Variants in FAM234B observed in about 807,000 individuals in gnomAD.
The protein encoded by FAM234B is family with sequence similarity 234 member B.
A neutral mutation model predicts 69.3 loss-of-function variants in FAM234B; 33 were observed. The observed-to-expected ratio is 0.48, with a 90% CI of 0.36 to 0.64. The LOEUF (loss-of-function observed/expected upper bound fraction) is 0.64, where lower values mean the gene tolerates loss of function less well. Among genes scored for constraint, FAM234B ranks in the 30% least tolerant of loss-of-function variants. The pLI, the probability that FAM234B is intolerant of heterozygous loss-of-function variation, is 0.00. For synonymous variants in FAM234B, 306 were observed against 306.9 expected, an observed-to-expected ratio of 1.00 and a Z score of 0.03; for missense variants, 697 against 769.7, an observed-to-expected ratio of 0.91 and a Z score of 1.12.
At position 13,058,418 on chromosome 12, in the gene FAM234B, C is replaced by T. The variant is rs370576232; in HGVS notation, c.434-33C>T. 14 of 1,580,360 alleles carry T rather than the reference C, an allele frequency of 8.9e-6. No individual in the cohort carries two copies. In the South Asian group the frequency reaches 1.2e-4, roughly 14 times the overall value. On this transcript the variant is annotated intron_variant, in intron 2 of 12. Coordinates refer to ENST00000197268, the MANE Select transcript of FAM234B (RefSeq NM_020853.2). ...GAGAACTGGTTTGTGGTAACTTGCT[C>T]AGGACCTTTTTGGTTTTTTATGTGT...
chr12:13,062,829 A>T lies in FAM234B; in HGVS notation c.722-16A>T, dbSNP rs747270760. 6.2e-7 allele frequency: 1 copy of T among 1,613,326 alleles called. No individual in the cohort carries two copies. Among genetic ancestry groups the T allele is most frequent in the African/African-American group, 1.3e-5 (1 of 74,892 alleles). ...AAGAAGTTGTCATAGTGACCAGCCTATGTGTCCTTCCTCAGGGAAAGCCAT... is the reference window on the plus strand; with the variant it reads ...AAGAAGTTGTCATAGTGACCAGCCTTTGTGTCCTTCCTCAGGGAAAGCCAT... On this transcript the variant is annotated splice_polypyrimidine_tract_variant and intron_variant, in intron 4 of 12. Transcript: ENST00000197268.
chr12:13,079,192 A>C (rs909551487), intron 11 of FAM234B, among the ~76,000 whole-genome samples: 1 of 152,150 alleles, frequency 6.6e-6, no homozygotes, highest in African/African-American at 2.4e-5. Context: ...CAAAACAGAG[A>C]TATAGATCAA....
intron 5 of FAM234B, among the ~76,000 whole-genome samples, chr12:13,063,782 CTT>C (rs973459263): frequency 3.9e-5 from 6 of 152,174 alleles, no homozygotes; most frequent in African/African-American, 1.4e-4. Flanking sequence ...TTCTCTAAGA[CTT>C]TTTCTCAGAC....
rs760009605 is a variant in FAM234B, at chr12:13,068,408, TG to T, written c.1248del (p.Thr417HisfsTer6). On this transcript the variant is annotated frameshift_variant, in exon 8 of 13. Coordinates refer to ENST00000197268, the MANE Select transcript of FAM234B (RefSeq NM_020853.2). LOFTEE classifies it high-confidence loss of function. ...CTTGTGCTGCTTCGGGGGCAAAATC[TG>T]ACACCTTACTGGGCATTGAGACTTC... is the stretch of plus-strand genomic sequence containing the variant. ...QSLVLLRGQN[L>X]TPYWALRLQG... 1 of 1,614,224 alleles carries T rather than the reference TG, an allele frequency of 6.2e-7. No individual in the cohort carries two copies. The highest frequency in any genetic ancestry group is 8.5e-7 in the Non-Finnish European group (1 of 1,180,036).
Position 13,080,632 on chromosome 12 carries a change from C to G in FAM234B, c.*2C>G, listed in dbSNP as rs1865214987. 5 of 1,604,896 alleles carry G rather than the reference C, an allele frequency of 3.1e-6. No individual in the cohort carries two copies. In the South Asian group the frequency reaches 5.5e-5, roughly 18 times the overall value. The stretch of plus-strand genomic sequence containing the variant: ...ATAACTCTTTTTCCATAGATCTAAT[C>G]TGATGGAATCTTCAGTTGCAGAAGA... On this transcript the variant is annotated 3_prime_UTR_variant, in exon 13 of 13. Coordinates refer to ENST00000197268, the MANE Select transcript of FAM234B (RefSeq NM_020853.2).
chr12:13,078,165 ATTAGCCC>A (rs1865183015), intron 11 of FAM234B, among the ~76,000 whole-genome samples: 1 of 151,790 alleles, frequency 6.6e-6, no homozygotes, highest in Non-Finnish European at 1.5e-5. Context: ...GATTCTGGAT[ATTAGCCC>A]TTTGTCAGAT....
intron 2 of FAM234B, among the ~76,000 whole-genome samples, chr12:13,056,378 T>G (rs960052953): frequency 6.6e-6 from 1 of 152,238 alleles, no homozygotes; most frequent in East Asian, 1.9e-4. Context: ...TAAAATAATT[T>G]CATTTCCTGT....
intron 5 of FAM234B, among the ~76,000 whole-genome samples, chr12:13,064,535 G>A (rs184805027): frequency 2.0e-5 from 3 of 152,304 alleles, no homozygotes; most frequent in Non-Finnish European, 4.4e-5. Context: ...GTCTCCACTG[G>A]AGGAAGTGGC....
rs142175077 is a variant in FAM234B, at chr12:13,047,189, A to T, written c.37+2749A>T. ...CAAGAAGGAAAGATGTTTGGCTCAC[A>T]TGCATAAAATGAGGTTAATTAGTAG... On this transcript the variant is annotated intron_variant, in intron 1 of 12. Coordinates refer to ENST00000197268, the MANE Select transcript of FAM234B (RefSeq NM_020853.2). 1.4e-4 allele frequency among the ~76,000 whole-genome samples: 21 copies of T among 152,352 alleles called. No homozygotes were observed. The East Asian group carries it at 3.7e-3, about 27-fold the overall frequency.
At chr12:13,055,981 A>G (rs1397707040) in intron 2 of FAM234B, 35 bp downstream of exon 2, 2 of 1,502,882 alleles carry the variant, frequency 1.3e-6, no homozygotes, top group Non-Finnish European at 1.8e-6. Flanking sequence ...AATCCTGTGA[A>G]ACTTCATGCT....
chr12:13,070,597 A>G (rs1207351759), intron 9 of FAM234B, among the ~76,000 whole-genome samples: 1 of 152,188 alleles, frequency 6.6e-6, no homozygotes, highest in Non-Finnish European at 1.5e-5. Context: ...TGAAGAGCAG[A>G]CATATGCCAG....
Position 13,062,990 on chromosome 12 carries a change from A to G in FAM234B, c.852+15A>G. On this transcript the variant is annotated intron_variant, in intron 5 of 12. Transcript: ENST00000197268. ...GGGAATTGCAGGTATGATCTCTATT[A>G]AATGTTTTTTGTTTCTTATAGGGAC... 1 of 1,613,182 alleles carries G rather than the reference A, an allele frequency of 6.2e-7. No homozygotes were observed. The highest frequency in any genetic ancestry group is 8.5e-7 in the Non-Finnish European group (1 of 1,179,504).
At chr12:13,069,933 G>A (rs895548685) in intron 9 of FAM234B, among the ~76,000 whole-genome samples, 2 of 152,070 alleles carry the variant, frequency 1.3e-5, no homozygotes, top group Non-Finnish European at 2.9e-5. Context: ...TGATACACTG[G>A]TGCTGGCAGG....
At chr12:13,046,110 G>A (rs746567039) in intron 1 of FAM234B, among the ~76,000 whole-genome samples, 2 of 152,112 alleles carry the variant, frequency 1.3e-5, no homozygotes, top group Non-Finnish European at 2.9e-5. Flanking sequence ...GTAGGCATGT[G>A]TTCTTTCATG....
At position 13,081,702 on chromosome 12, in the gene FAM234B, T is replaced by C. The variant is rs558629639; in HGVS notation, c.*1072T>C. On this transcript the variant is annotated 3_prime_UTR_variant, in exon 13 of 13. Coordinates refer to ENST00000197268, the MANE Select transcript of FAM234B (RefSeq NM_020853.2). Reference sequence around the variant, plus strand: ...GTAGAGCCTTTGAAGCATTGTATTTTGGGAAAATTCTTCTGTAAATACTAT... The same window carrying C: ...GTAGAGCCTTTGAAGCATTGTATTTCGGGAAAATTCTTCTGTAAATACTAT... The C allele has an allele frequency of 2.6e-5, 4 of 152,334 alleles. No homozygotes were observed. The highest frequency in any genetic ancestry group is 2.6e-4 in the Admixed American group (4 of 15,306). The allele number at this position is 152,334 out of a possible 1,614,324, so 9.4% of individuals were successfully genotyped here. A position where few individuals can be genotyped will look rare whatever the true frequency, so the allele number is the denominator to read the frequency against.
intron 1 of FAM234B, among the ~76,000 whole-genome samples, chr12:13,047,809 C>T (rs1331675602): frequency 1.3e-5 from 2 of 152,114 alleles, no homozygotes; most frequent in East Asian, 3.9e-4. Context: ...ACGCCTGGCT[C>T]CTCAGCCTGA....
At position 13,068,266 on chromosome 12, in the gene FAM234B, A is replaced by G. The variant is rs752333970; in HGVS notation, c.1143-38A>G. On this transcript the variant is annotated intron_variant, in intron 7 of 12. Coordinates refer to ENST00000197268, the MANE Select transcript of FAM234B (RefSeq NM_020853.2). ...AGTAAATGGCTCAGAAATCTCATCC[A>G]AGCCAGAGACTAACCGTTGGGGTCT... 29 of 1,612,938 alleles carry G rather than the reference A, an allele frequency of 1.8e-5. 1 individual carries two copies. In the South Asian group the frequency reaches 3.2e-4, roughly 18 times the overall value.
intron 1 of FAM234B, among the ~76,000 whole-genome samples, chr12:13,045,880 A>G (rs1365708619): frequency 6.8e-6 from 1 of 148,010 alleles, no homozygotes; most frequent in African/African-American, 2.5e-5. Context: ...AGTGTAGGTC[A>G]TTGTTATTCT....
At chr12:13,066,968 C>T (rs1381376580) in intron 6 of FAM234B, 181 bp downstream of exon 6, 47 of 895,228 alleles carry the variant, frequency 5.3e-5, no homozygotes, top group Non-Finnish European at 3.5e-5. Context: ...TCCCTTGCTG[C>T]CTCCTCTGAA....
Sources: allele counts gnomAD v4.1 joint callset (sites outside exome capture counted in the v4.1 genomes callset), GRCh38; gene constraint gnomAD v4.1.1; transcripts MANE v1.5; gene names NCBI Gene and HGNC (gene_info 2026-07-23, HGNC 2026-07-21).